CEP89: variants seen among roughly 807,000 people sequenced by gnomAD.
CEP89 encodes the protein centrosomal protein 89.
A neutral mutation model predicts 97.6 loss-of-function variants in CEP89; 95 were observed. The observed-to-expected ratio is 0.97, with a 90% confidence interval of 0.82 to 1.15. The LOEUF is 1.15. Ranked by LOEUF, CEP89 falls within the 50% of genes most tolerant of loss-of-function variation. The probability of loss-of-function intolerance (pLI) is 0.00; values close to 1 mark genes in which losing one functional copy is unlikely to be tolerated. For synonymous variants in CEP89, 354 were observed against 349.1 expected (o/e 1.01, Z -0.16); for missense variants, 869 against 947.7 (o/e 0.92, Z 1.09).
At chr19:32,905,409 T>G (rs1420924271) in intron 14 of CEP89, among the ~76,000 whole-genome samples, 1 of 152,220 alleles carries the variant, frequency 6.6e-6, no homozygotes, top group Admixed American at 6.5e-5. Flanking sequence ...GAAAGGTTTA[T>G]GTAAGACTGA....
intron 5 of CEP89, among the ~76,000 whole-genome samples, chr19:32,943,741 CCA>C (rs1970736723): frequency 6.6e-6 from 1 of 151,958 alleles, no homozygotes; most frequent in Non-Finnish European, 1.5e-5. Flanking sequence ...GGAAGGAACA[CCA>C]CAGAGTTGAG....
At chr19:32,967,310 C>T (rs10422607) in intron 1 of CEP89, among the ~76,000 whole-genome samples, 9,003 of 152,162 alleles carry the variant, frequency 0.059, 901 homozygotes, top group African/African-American at 0.2. Flanking sequence ...GTCTCTGAGA[C>T]GTTTCTGGGT....
chr19:32,954,549 C>T (rs1213387231), intron 3 of CEP89, among the ~76,000 whole-genome samples: 1 of 151,626 alleles, frequency 6.6e-6, no homozygotes, highest in Non-Finnish European at 1.5e-5. Context: ...GACGGGGTTT[C>T]ACCATGTTGT....
chr19:32,942,945 A>C (rs1180496017), intron 5 of CEP89, among the ~76,000 whole-genome samples: 1 of 151,490 alleles, frequency 6.6e-6, no homozygotes, highest in African/African-American at 2.4e-5. Flanking sequence ...TGCCGAGCTC[A>C]AGCGATCTTC....
intron 4 of CEP89, among the ~76,000 whole-genome samples, chr19:32,949,764 A>G (rs1244714367): frequency 1.3e-5 from 2 of 151,866 alleles, no homozygotes. Context: ...CTTCAGTAAA[A>G]TCTTGCTTTT....
chr19:32,937,440 A>C, intron 7 of CEP89, 191 bp downstream of exon 7: 1 of 535,746 alleles, frequency 1.9e-6, no homozygotes, highest in Non-Finnish European at 3.3e-6. Context: ...CCACCCTCCC[A>C]GGACCCAAGC....
At chr19:32,922,838 ACT>A (rs1317050994) in intron 12 of CEP89, among the ~76,000 whole-genome samples, 1 of 121,658 alleles carries the variant, frequency 8.2e-6, no homozygotes, top group Admixed American at 8.7e-5. Context: ...ACACAGCAAG[ACT>A]CTGTCTCAAA....
intron 4 of CEP89, among the ~76,000 whole-genome samples, chr19:32,949,322 C>T (rs1477620798): frequency 6.6e-6 from 1 of 152,064 alleles, no homozygotes; most frequent in African/African-American, 2.4e-5. Flanking sequence ...TTTCCATTGG[C>T]AGGAGCCTGG....
intron 9 of CEP89, among the ~76,000 whole-genome samples, chr19:32,928,449 C>T (rs1970406797): frequency 6.6e-6 from 1 of 151,902 alleles, no homozygotes; most frequent in African/African-American, 2.4e-5. Flanking sequence ...CTTGTTTTTT[C>T]ACCCTGGTCA....
At chr19:32,897,402 G>C (rs1969665886) in intron 16 of CEP89, among the ~76,000 whole-genome samples, 1 of 152,178 alleles carries the variant, frequency 6.6e-6, no homozygotes, top group African/African-American at 2.4e-5. Flanking sequence ...ATAGATGAGT[G>C]ACTGGAAGGA....
chr19:32,908,306 T>C (rs544960425), intron 14 of CEP89, among the ~76,000 whole-genome samples: 3 of 152,324 alleles, frequency 2.0e-5, no homozygotes, highest in South Asian at 4.1e-4. Context: ...TCAGTGGAAA[T>C]TGGAGAAAGA....
At chr19:32,880,154 G>A (rs11665717) in intron 18 of CEP89, among the ~76,000 whole-genome samples, 3 of 152,128 alleles carry the variant, frequency 2.0e-5, no homozygotes, top group Admixed American at 6.5e-5. Context: ...ACCAGGACAC[G>A]AGCCACACCT....
At chr19:32,928,466 G>A (rs1264985745) in intron 9 of CEP89, among the ~76,000 whole-genome samples, 1 of 151,774 alleles carries the variant, frequency 6.6e-6, no homozygotes, top group Non-Finnish European at 1.5e-5. Context: ...GTCATGGTAG[G>A]TCTGTAGTAA....
chr19:32,945,816 T>C (rs1308656175), intron 5 of CEP89, among the ~76,000 whole-genome samples: 1 of 152,156 alleles, frequency 6.6e-6, no homozygotes, highest in Non-Finnish European at 1.5e-5. Context: ...CTTTAATTTT[T>C]TGGGTGGCCA....
At chr19:32,901,458 T>G (rs769558222) in intron 14 of CEP89, 46 bp from the exon 15 acceptor site, 1 of 1,576,676 alleles carries the variant, frequency 6.3e-7, no homozygotes, top group South Asian at 1.2e-5. Context: ...ACAATGAAGC[T>G]AAAATGGGGC....
At chr19:32,944,644 GAGA>G (rs946111401) in intron 5 of CEP89, among the ~76,000 whole-genome samples, 13 of 152,176 alleles carry the variant, frequency 8.5e-5, no homozygotes, top group South Asian at 2.1e-4. Flanking sequence ...AGCTGTTAAG[GAGA>G]AGAAGGAGGA....
chr19:32,913,439 C>T (rs1242324274), intron 14 of CEP89, among the ~76,000 whole-genome samples: 1 of 151,664 alleles, frequency 6.6e-6, no homozygotes, highest in African/African-American at 2.4e-5. Context: ...ACATACATAC[C>T]ATACATAGGT....
intron 17 of CEP89, among the ~76,000 whole-genome samples, chr19:32,886,341 G>C (rs1411578996): frequency 6.6e-6 from 1 of 152,172 alleles, no homozygotes; most frequent in Non-Finnish European, 1.5e-5. Context: ...AGTTGGGCCA[G>C]AGTGTCCTTC....
At chr19:32,904,592 C>G (rs1365766777) in intron 14 of CEP89, among the ~76,000 whole-genome samples, 1 of 141,856 alleles carries the variant, frequency 7.0e-6, no homozygotes, top group African/African-American at 2.7e-5. Flanking sequence ...CATTTTCTTT[C>G]TTCCTTTTTT....
Sources: gnomAD v4.1 joint callset for allele counts (sites outside exome capture counted in the v4.1 genomes callset) on GRCh38, gnomAD v4.1.1 for gene constraint, MANE v1.5 for transcripts, NCBI Gene and HGNC (gene_info 2026-07-23, HGNC 2026-07-21) for gene names.